ELP2: variants seen among roughly 807,000 people sequenced by gnomAD.
The protein encoded by ELP2 is elongator acetyltransferase complex subunit 2.
A neutral mutation model predicts 119.2 loss-of-function variants in ELP2; 90 were observed. The ratio of observed to expected loss-of-function variants is 0.75; its 90% CI spans 0.64 to 0.90. The LOEUF (loss-of-function observed/expected upper bound fraction) is 0.90. ELP2 is among the 40% of genes least tolerant of loss of function. The pLI, the probability that ELP2 is intolerant of heterozygous loss-of-function variation, is 0.00. For synonymous variants in ELP2, 339 were observed against 331.0 expected, an observed-to-expected ratio of 1.02 and a Z score of -0.26; for missense variants, 921 against 967.8, an observed-to-expected ratio of 0.95 and a Z score of 0.64.
Position 36,130,043 on chromosome 18 carries a change from C to T in ELP2, c.110C>T (p.Ser37Phe), listed in dbSNP as rs745665843. The change falls in exon 1 of 22, where the codon TCC becomes TTC. Residue 37 changes from serine (S) to phenylalanine (F), a missense_variant. Physicochemically the swap from Ser to Phe is radical, Grantham distance 155. Transcript: ENST00000358232. ...AGAGGACTTCTGGCCTTTGGCACGT[C>T]CTGCTCCGTGGTGCTCTATGACCCC... ...GPRGLLAFGT[S>F]CSVVLYDPLK... 1 of 1,614,162 alleles carries T rather than the reference C, an allele frequency of 6.2e-7. No homozygotes were observed. Among genetic ancestry groups the T allele is most frequent in the Non-Finnish European group, 8.5e-7 (1 of 1,180,018 alleles).
intron 6 of ELP2, 80 bp from the exon 7 acceptor site, chr18:36,142,199 CTG>C (rs2144627709): frequency 9.1e-7 from 1 of 1,096,824 alleles, no homozygotes; most frequent in Non-Finnish European, 1.4e-6. Flanking sequence ...CGCAGTAGGA[CTG>C]TCTGAGACCA....
chr18:36,159,587 T>A, intron 14 of ELP2, 148 bp from the exon 15 acceptor site: 1 of 690,596 alleles, frequency 1.4e-6, no homozygotes, highest in Non-Finnish European at 2.6e-6. Context: ...GTAATGGAAA[T>A]ACTCTTGCCT....
rs140891321 is a variant in ELP2, at chr18:36,151,451, T to C, written c.1126-3399T>C. Among the ~76,000 whole-genome samples, 396 of 152,292 alleles carry C rather than the reference T, an allele frequency of 2.6e-3. 1 individual carries two copies. Among genetic ancestry groups the C allele is most frequent in the African/African-American group, 9.3e-3 (385 of 41,558 alleles). On this transcript the variant is annotated intron_variant, in intron 11 of 21. Coordinates refer to ENST00000358232, the MANE Select transcript of ELP2 (RefSeq NM_018255.4). ...AGTAAACTGGTTTGGCATCCTTTAA[T>C]GTTGGGAGACCAGGCGGGACTCCCT...
Position 36,129,974 on chromosome 18 carries a change from G to C in ELP2, c.41G>C (p.Cys14Ser), listed in dbSNP as rs1382058475. Residue 14 changes from cysteine to serine, a missense_variant, in exon 1 of 22, where the codon TGC (cysteine) becomes TCC (serine). Cys to Ser is a moderately radical substitution (Grantham distance 112). Coordinates refer to ENST00000358232, the MANE Select transcript of ELP2 (RefSeq NM_018255.4). ...CTGGAGACTTCTCACGTGTTTTGCT[G>C]CCCAAACCGGGTGCGGGGAGTCCTG... ...PVLETSHVFCCPNRVRGVLNW... is the reference protein window; with the variant it reads ...PVLETSHVFCSPNRVRGVLNW... 6.2e-7 allele frequency: 1 copy of C among 1,614,124 alleles called. No individual in the cohort carries two copies. Among genetic ancestry groups the C allele is most frequent in the Non-Finnish European group, 8.5e-7 (1 of 1,180,050 alleles).
In ELP2 at chr18:36,154,850, A is replaced by G; in HGVS notation, c.1126A>G (p.Arg376Gly). 2 of 1,614,054 alleles carry G rather than the reference A, an allele frequency of 1.2e-6. No homozygotes were observed. The highest frequency in any genetic ancestry group is 1.7e-6 in the Non-Finnish European group (2 of 1,179,998). The change falls in exon 12 of 22, where the codon AGA becomes GGA. Residue 376 changes from arginine to glycine, a missense_variant and splice_region_variant. Coordinates refer to ENST00000358232, the MANE Select transcript of ELP2 (RefSeq NM_018255.4). ...HLWKQNTVNP[R>G]EWTPEIVISG... ...TGTGATATGAGCACTTCCATTGCAG[A>G]GAGAGTGGACTCCAGAGATTGTCAT...
In ELP2 at chr18:36,138,880, T is replaced by C. The variant is rs578259200; in HGVS notation, c.523+8T>C. Reference sequence around the variant, plus strand: ...TTTTGCCAAATACTGATGGTGAGTATCCTGTTAAGTATATGTTAAAAGGGC... The same window carrying C: ...TTTTGCCAAATACTGATGGTGAGTACCCTGTTAAGTATATGTTAAAAGGGC... On this transcript the variant is annotated splice_region_variant and intron_variant, in intron 5 of 21. Coordinates refer to ENST00000358232, the MANE Select transcript of ELP2 (RefSeq NM_018255.4). 218 of 1,607,608 alleles carry C rather than the reference T, an allele frequency of 1.4e-4. 4 individuals are homozygous for C. In the South Asian group the frequency reaches 2.3e-3, roughly 17 times the overall value.
intron 1 of ELP2, among the ~76,000 whole-genome samples, chr18:36,130,967 A>T (rs1032193155): frequency 6.6e-6 from 1 of 152,054 alleles, no homozygotes; most frequent in African/African-American, 2.4e-5. Context: ...CAGGAGTTGG[A>T]GACCAGTTTA....
Position 36,170,167 on chromosome 18 carries a change from C to T in ELP2, c.2181C>T (p.Ser727=), listed in dbSNP as rs760037357. 6.2e-6 allele frequency: 10 copies of T among 1,614,066 alleles called. No homozygotes were observed. The highest frequency in any genetic ancestry group is 3.3e-4 in the Middle Eastern group (2 of 6,062). The part of the protein sequence containing the change: ...LDVGGAVTAV[S]VCPVLHPSQR... ...TGGGTGGGGCTGTGACAGCTGTCAG[C>T]GTCTGCCCAGTGCTCCACCCTTCTC... Residue 727 remains serine (S), a synonymous_variant, in exon 20 of 22, where the codon AGC becomes AGT. Transcript: ENST00000358232.
chr18:36,131,845 G>A (rs1358684765), intron 1 of ELP2, among the ~76,000 whole-genome samples: 1 of 151,782 alleles, frequency 6.6e-6, no homozygotes, highest in East Asian at 1.9e-4. Context: ...ATAACCTGGT[G>A]GCTGAGCTAG....
Position 36,172,209 on chromosome 18 carries a change from G to A in ELP2, c.2324+1049G>A, listed in dbSNP as rs115429038. On this transcript the variant is annotated intron_variant, in intron 21 of 21. Transcript: ENST00000358232. Reference sequence around the variant, plus strand: ...TTGAGCCCAGGAGGTTGAGGCTGCAGCAAGCCATAATCACACCATTGCACT... The same window carrying A: ...TTGAGCCCAGGAGGTTGAGGCTGCAACAAGCCATAATCACACCATTGCACT... Among the ~76,000 whole-genome samples, 714 of 152,244 alleles carry A rather than the reference G, an allele frequency of 4.7e-3. 6 individuals are homozygous for A. The highest frequency in any genetic ancestry group is 0.016 in the African/African-American group (649 of 41,524).
In ELP2 at chr18:36,176,113, T is replaced by C. The variant is rs1474197095; in HGVS notation, c.*1472T>C. 1 of 152,210 alleles carries C rather than the reference T, an allele frequency of 6.6e-6. No homozygotes were observed. Among genetic ancestry groups the C allele is most frequent in the Non-Finnish European group, 1.5e-5 (1 of 68,044 alleles). 9.4% of individuals were successfully genotyped at this position (152,210 alleles called of 1,614,324 possible). A position where few individuals can be genotyped will look rare whatever the true frequency, so the allele number is the denominator to read the frequency against. On this transcript the variant is annotated 3_prime_UTR_variant, in exon 22 of 22. Coordinates refer to ENST00000358232, the MANE Select transcript of ELP2 (RefSeq NM_018255.4). ...ACGGTATATCCAAAATATTATTATG[T>C]CAACCTATAATCAGTATAAAAACCT...
chr18:36,140,214 G>A (rs1324884003), intron 5 of ELP2, among the ~76,000 whole-genome samples: 2 of 152,172 alleles, frequency 1.3e-5, no homozygotes, highest in Admixed American at 6.5e-5. Flanking sequence ...TGCCCAGGCT[G>A]GAGTGCAGTG....
At chr18:36,136,284 T>G (rs374737826) in intron 2 of ELP2, 23 bp from the exon 3 acceptor site, 29 of 1,562,636 alleles carry the variant, frequency 1.9e-5, no homozygotes, top group Non-Finnish European at 2.5e-5. Flanking sequence ...TAAAGATATT[T>G]ACTGAGATAT....
At chr18:36,140,114 G>A (rs1907614275) in intron 5 of ELP2, among the ~76,000 whole-genome samples, 1 of 151,972 alleles carries the variant, frequency 6.6e-6, no homozygotes, top group Admixed American at 6.6e-5. Flanking sequence ...AAAGTGCTGG[G>A]ATCACAGATG....
intron 12 of ELP2, among the ~76,000 whole-genome samples, chr18:36,155,275 C>T (rs901501946): frequency 3.4e-5 from 4 of 116,544 alleles, no homozygotes; most frequent in Admixed American, 2.7e-4. Flanking sequence ...CCCCCCCCCC[C>T]GCCTCCCAAA....
chr18:36,130,753 A>G (rs2144540942), intron 1 of ELP2, among the ~76,000 whole-genome samples: 1 of 152,324 alleles, frequency 6.6e-6, no homozygotes, highest in East Asian at 1.9e-4. Flanking sequence ...GTTGGTCTAT[A>G]CAGTTAGTCT....
At chr18:36,130,223 C>T in intron 1 of ELP2, 152 bp downstream of exon 1, 1 of 972,428 alleles carries the variant, frequency 1.0e-6, no homozygotes, top group South Asian at 1.4e-5. Flanking sequence ...CTCCAGTGGA[C>T]CTGCCGGACT....
intron 11 of ELP2, among the ~76,000 whole-genome samples, chr18:36,152,747 G>T (rs1378713279): frequency 6.6e-6 from 1 of 152,202 alleles, no homozygotes; most frequent in Non-Finnish European, 1.5e-5. Flanking sequence ...TCACTAGTGA[G>T]CTGTGGGTCC....
At position 36,138,115 on chromosome 18, in the gene ELP2, G is replaced by T. The variant is rs2089895748; in HGVS notation, c.289-155G>T. The T allele has an allele frequency of 6.0e-6, 4 of 670,384 alleles. No individual in the cohort carries two copies. In the South Asian group the frequency reaches 7.4e-5, roughly 12 times the overall value. The allele number at this position is 670,384 out of a possible 1,614,324, so 41.5% of individuals were successfully genotyped here. ...GTCACAGGGCATGCACATTTTGTGTGTTGTTAACATGGTCAGACAGACTTC... is the reference window on the plus strand; with the variant it reads ...GTCACAGGGCATGCACATTTTGTGTTTTGTTAACATGGTCAGACAGACTTC... On this transcript the variant is annotated intron_variant, in intron 3 of 21. Coordinates refer to ENST00000358232, the MANE Select transcript of ELP2 (RefSeq NM_018255.4).
Sources: gnomAD v4.1 joint callset for allele counts (sites outside exome capture counted in the v4.1 genomes callset) on GRCh38, gnomAD v4.1.1 for gene constraint, MANE v1.5 for transcripts, NCBI Gene and HGNC (gene_info 2026-07-23, HGNC 2026-07-21) for gene names.